The following ANXA5 variants were observed in gnomAD, a reference collection of about 807,000 sequenced individuals.
The protein encoded by ANXA5 is annexin A5, also known as CBP-I.
Under a neutral mutation model 48.1 loss-of-function variants are expected in ANXA5, and 40 were observed. That is an observed-to-expected ratio of 0.83 (90% CI 0.65 to 1.08). The LOEUF (loss-of-function observed/expected upper bound fraction) is 1.08. Among genes scored for constraint, ANXA5 ranks in the 50% least tolerant of loss-of-function variants. ANXA5 has a pLI of 0.00. For missense variants in ANXA5, 357 were observed against 376.8 expected, an observed-to-expected ratio of 0.95 and a Z score of 0.44; for synonymous variants, 113 against 129.1, an observed-to-expected ratio of 0.88 and a Z score of 0.85.
chr4:121,695,128 A>G (rs1180515318), intron 2 of ANXA5, among the ~76,000 whole-genome samples: 2 of 152,266 alleles, frequency 1.3e-5, no homozygotes, highest in East Asian at 1.9e-4. Context: ...ATCTTCATGT[A>G]CATCACCACA....
At chr4:121,683,156 T>C (rs989256492) in intron 5 of ANXA5, among the ~76,000 whole-genome samples, 22 of 152,166 alleles carry the variant, frequency 1.4e-4, no homozygotes, top group African/African-American at 5.1e-4. Flanking sequence ...CCCAGTATTA[T>C]TGAGTTTAAA....
Position 121,668,376 on chromosome 4 carries a change from T to TTAA in ANXA5, c.*89_*91dup. 1 of 1,108,550 alleles carries TTAA rather than the reference T, an allele frequency of 9.0e-7. No individual in the cohort carries two copies. The highest frequency in any genetic ancestry group is 1.4e-6 in the Non-Finnish European group (1 of 722,908). The allele number at this position is 1,108,550 out of a possible 1,614,324, so 68.7% of individuals were successfully genotyped here. On this transcript the variant is annotated 3_prime_UTR_variant, in exon 13 of 13. Transcript: ENST00000296511. ...ATGCTAGTATGAATAAGGCAATGTG[T>TTAA]TAAGCACTGGCATACAAATGCAGCT...
At position 121,684,723 on chromosome 4, in the gene ANXA5, G is replaced by A. The variant is rs1318605212; in HGVS notation, c.143C>T (p.Ala48Val). Residue 48 changes from alanine (A) to valine (V), a missense_variant, in exon 4 of 13, where the codon GCT becomes GTT. Transcript: ENST00000296511. ...ILTLLTSRSN[A>V]QRQEISAAFK... is the part of the protein sequence containing the mutation. ...AGCTGCAGAGATTTCCTGGCGCTGA[G>A]CATTACTTCGGGATGTCAACAGAGT... 1.2e-6 allele frequency: 2 copies of A among 1,614,006 alleles called. No homozygotes were observed. Among genetic ancestry groups the A allele is most frequent in the Admixed American group, 3.3e-5 (2 of 60,000 alleles).
intron 2 of ANXA5, among the ~76,000 whole-genome samples, chr4:121,692,412 GAAT>G (rs948020437): frequency 2.0e-5 from 3 of 152,222 alleles, no homozygotes; most frequent in Non-Finnish European, 4.4e-5. Flanking sequence ...AGTTGCCCAA[GAAT>G]AACTCCAGTG....
chr4:121,693,087 A>C (rs574433038), intron 2 of ANXA5, among the ~76,000 whole-genome samples: 1 of 152,332 alleles, frequency 6.6e-6, no homozygotes, highest in African/African-American at 2.4e-5. Flanking sequence ...TACAAAAATT[A>C]GCCAGGCGTG....
chr4:121,676,568 C>A (rs984261559), intron 8 of ANXA5, among the ~76,000 whole-genome samples: 2 of 151,736 alleles, frequency 1.3e-5, no homozygotes, highest in African/African-American at 4.8e-5. Flanking sequence ...CTACTCTATG[C>A]CAGAAGCTGA....
intron 5 of ANXA5, among the ~76,000 whole-genome samples, chr4:121,683,161 T>C (rs914709455): frequency 6.6e-6 from 1 of 151,952 alleles, no homozygotes; most frequent in Non-Finnish European, 1.5e-5. Context: ...TATTATTGAG[T>C]TTAAATCTAC....
At chr4:121,679,014 C>T (rs1724746796) in intron 6 of ANXA5, among the ~76,000 whole-genome samples, 1 of 152,084 alleles carries the variant, frequency 6.6e-6, no homozygotes, top group Non-Finnish European at 1.5e-5. Context: ...CCTCTATTTC[C>T]AGCTGCTCAA....
At chr4:121,691,409 A>C (rs1166764336) in intron 2 of ANXA5, among the ~76,000 whole-genome samples, 1 of 152,218 alleles carries the variant, frequency 6.6e-6, no homozygotes, top group Admixed American at 6.5e-5. Context: ...TAACAATTTC[A>C]AGTTTAAAGA....
At chr4:121,686,261 G>A in intron 3 of ANXA5, 27 bp downstream of exon 3, 1 of 1,543,936 alleles carries the variant, frequency 6.5e-7, no homozygotes, top group Non-Finnish European at 8.9e-7. Context: ...TATCACATTT[G>A]CTTTAGAAAG....
chr4:121,696,633 G>A lies in ANXA5; in HGVS notation c.-35-9C>T. On this transcript the variant is annotated splice_polypyrimidine_tract_variant and intron_variant, in intron 1 of 12. Transcript: ENST00000296511. ...GGGAAGGTGAAGCAGGACTGCAAAA[G>A]AGAAGAAACCTCGGGCTTAGCGCGC... 2 of 1,379,778 alleles carry A rather than the reference G, an allele frequency of 1.4e-6. No homozygotes were observed. Among genetic ancestry groups the A allele is most frequent in the African/African-American group, 3.0e-5 (2 of 67,232 alleles). 85.5% of individuals were successfully genotyped at this position (1,379,778 alleles called of 1,614,324 possible).
chr4:121,673,270 C>G (rs1724641830), intron 8 of ANXA5, among the ~76,000 whole-genome samples: 1 of 152,198 alleles, frequency 6.6e-6, no homozygotes, highest in South Asian at 2.1e-4. Context: ...AATATGCTTT[C>G]TTGTGCACGT....
Position 121,684,781 on chromosome 4 carries a change from A to T in ANXA5, c.95-10T>A, listed in dbSNP as rs1192905324. The T allele has an allele frequency of 1.2e-6, 2 of 1,611,864 alleles. No individual in the cohort carries two copies. Among genetic ancestry groups the T allele is most frequent in the African/African-American group, 2.7e-5 (2 of 74,802 alleles). On this transcript the variant is annotated splice_polypyrimidine_tract_variant and intron_variant, in intron 3 of 12. Coordinates refer to ENST00000296511, the MANE Select transcript of ANXA5 (RefSeq NM_001154.4). ...CTCTCCTCATCTGTGCCTGCAATTT[A>T]TGGTTAACAATTACATTTTGGCTCC...
chr4:121,678,469 G>A lies in ANXA5; in HGVS notation c.420C>T (p.Asp140=), dbSNP rs202083195. 3.2e-5 allele frequency: 52 copies of A among 1,613,468 alleles called. No individual in the cohort carries two copies. The highest frequency in any genetic ancestry group is 2.7e-5 in the Non-Finnish European group (32 of 1,179,760). ...EEEYGSSLED[D]VVGDTSGYYQ... ...AGTACCCTGAAGTGTCCCCCACCAC[G>A]TCATCTTCCAGGCTTGAGCCATATT... Residue 140 remains aspartate, a synonymous_variant, in exon 7 of 13, where the codon GAC becomes GAT. Coordinates refer to ENST00000296511, the MANE Select transcript of ANXA5 (RefSeq NM_001154.4).
chr4:121,671,731 G>A (rs1463744186), intron 9 of ANXA5, 89 bp from the exon 10 acceptor site: 3 of 885,396 alleles, frequency 3.4e-6, no homozygotes, highest in Non-Finnish European at 3.6e-6. Flanking sequence ...GTGTCTTACT[G>A]AACACAAATC....
At chr4:121,670,888 G>A (rs1724601183) in intron 10 of ANXA5, among the ~76,000 whole-genome samples, 1 of 152,062 alleles carries the variant, frequency 6.6e-6, no homozygotes, top group Non-Finnish European at 1.5e-5. Flanking sequence ...ACAAAAGTGT[G>A]AGCTCAAGGC....
chr4:121,674,194 G>A (rs2110480658), intron 8 of ANXA5, among the ~76,000 whole-genome samples: 1 of 124,990 alleles, frequency 8.0e-6, no homozygotes. Flanking sequence ...GGAGGGGAGG[G>A]GAGGGGAGGG....
chr4:121,685,408 A>C (rs189019800), intron 3 of ANXA5, among the ~76,000 whole-genome samples: 40 of 152,318 alleles, frequency 2.6e-4, no homozygotes, highest in Admixed American at 4.6e-4. Flanking sequence ...GGTGACACCC[A>C]CAAGTATTGA....
At chr4:121,683,235 T>C in intron 5 of ANXA5, 129 bp downstream of exon 5, 5 of 492,840 alleles carry the variant, frequency 1.0e-5, no homozygotes, top group Non-Finnish European at 1.8e-5. Context: ...CTCCCAGTTT[T>C]GTCTGCCAAG....
Sources: gnomAD v4.1 joint callset for allele counts (sites outside exome capture counted in the v4.1 genomes callset) on GRCh38, gnomAD v4.1.1 for gene constraint, MANE v1.5 for transcripts, NCBI Gene and HGNC (gene_info 2026-07-23, HGNC 2026-07-21) for gene names.